Variants in LCMT2 observed in about 807,000 individuals in gnomAD.
LCMT2 encodes tRNA wybutosine-synthesizing protein 4.
In LCMT2, 34 loss-of-function variants were observed where a neutral mutation model predicts 42.0. The observed-to-expected ratio is 0.81, with a 90% CI of 0.62 to 1.08. The LOEUF (loss-of-function observed/expected upper bound fraction) is 1.08. Ranked by LOEUF, LCMT2 falls within the 50% of genes least tolerant of loss-of-function variation. The pLI, the probability that LCMT2 is intolerant of heterozygous loss-of-function variation, is 0.00. For missense variants in LCMT2, 1,091 were observed against 889.4 expected (o/e 1.23, Z -2.88); for synonymous variants, 445 against 369.5 (o/e 1.20, Z -2.34).
At position 43,327,840 on chromosome 15, in the gene LCMT2, A is replaced by G. The variant is rs533135779; in HGVS notation, c.*589T>C. On this transcript the variant is annotated 3_prime_UTR_variant, in exon 1 of 1. Coordinates refer to ENST00000305641, the MANE Select transcript of LCMT2 (RefSeq NM_014793.5). Reference sequence around the variant, plus strand: ...CTAAATAAATATGGAACCAATAGCAAAACATTTAAAAAGTATGTTGGTAAA... The same window carrying G: ...CTAAATAAATATGGAACCAATAGCAGAACATTTAAAAAGTATGTTGGTAAA... 6.5e-5 allele frequency: 10 copies of G among 153,334 alleles called. No individual in the cohort carries two copies. Among genetic ancestry groups the G allele is most frequent in the African/African-American group, 2.4e-4 (10 of 41,580 alleles). The allele number at this position is 153,334 out of a possible 1,614,324, so 9.5% of individuals were successfully genotyped here. A position where few individuals can be genotyped will look rare whatever the true frequency, so the allele number is the denominator to read the frequency against.
At position 43,328,911 on chromosome 15, in the gene LCMT2, C is replaced by T; in HGVS notation, c.1579G>A (p.Glu527Lys). 1.2e-6 allele frequency: 2 copies of T among 1,614,118 alleles called. No individual in the cohort carries two copies. The highest frequency in any genetic ancestry group is 1.7e-6 in the Non-Finnish European group (2 of 1,180,034). Residue 527 changes from glutamate (E) to lysine (K), a missense_variant, in exon 1 of 1, where the codon GAG becomes AAG. Physicochemically the swap from Glu to Lys is moderately conservative, Grantham distance 56. Transcript: ENST00000305641. ...TGCCGGGCTTCAGGTACTTCTCCCTCCACTGGGATCCTGACCCAAGCCATT... is the reference window on the plus strand; with the variant it reads ...TGCCGGGCTTCAGGTACTTCTCCCTTCACTGGGATCCTGACCCAAGCCATT... ...GTMAWVRIPV[E>K]GEVPEARHSH...
In LCMT2 at chr15:43,328,707, T is replaced by TG; in HGVS notation, c.1782dup (p.Asn595GlnfsTer32). 2 of 1,614,156 alleles carry TG rather than the reference T, an allele frequency of 1.2e-6. No homozygotes were observed. Among genetic ancestry groups the TG allele is most frequent in the Non-Finnish European group, 1.7e-6 (2 of 1,180,038 alleles). ...CCTCCAACCAGTAACAGCTTTCCAT[T>TG]GAGCACATGAGCTGTGTGGGAGTAC... On this transcript the variant is annotated frameshift_variant, in exon 1 of 1. Transcript: ENST00000305641. LOFTEE classifies it high-confidence loss of function.
Position 43,324,933 on chromosome 15 carries a change from C to T in LCMT2, c.*3496G>A, listed in dbSNP as rs1474582358. 1 of 152,182 alleles carries T rather than the reference C, an allele frequency of 6.6e-6. No individual in the cohort carries two copies. Among genetic ancestry groups the T allele is most frequent in the Non-Finnish European group, 1.5e-5 (1 of 68,044 alleles). The allele number at this position is 152,182 out of a possible 1,614,324, so 9.4% of individuals were successfully genotyped here. A position where few individuals can be genotyped will look rare whatever the true frequency, so the allele number is the denominator to read the frequency against. ...ATCACTGAAAAAGACCAAGGAAACA[C>T]CTGGGTCCTGGAACATATTGGATAC... is the stretch of plus-strand genomic sequence containing the variant. On this transcript the variant is annotated 3_prime_UTR_variant, in exon 1 of 1. Transcript: ENST00000305641.
In LCMT2 at chr15:43,328,992, C is replaced by A. The variant is rs1566854964; in HGVS notation, c.1498G>T (p.Gly500Cys). 1.2e-6 allele frequency: 2 copies of A among 1,614,208 alleles called. No homozygotes were observed. The highest frequency in any genetic ancestry group is 1.7e-6 in the Non-Finnish European group (2 of 1,180,052). Reference protein sequence around the residue: ...QNQEYLFVYGGRSVVEPVLSD... With the variant: ...QNQEYLFVYGCRSVVEPVLSD... ...AGTACAGGTTCCACCACGCTTCGAC[C>A]CCCATACACAAACAAATATTCCTGA... Residue 500 changes from glycine to cysteine, a missense_variant, in exon 1 of 1, where the codon GGT becomes TGT. By Grantham distance (159) the Gly-to-Cys change is radical. Transcript: ENST00000305641.
In LCMT2 at chr15:43,328,420, G is replaced by C; in HGVS notation, c.*9C>G. 3.7e-6 allele frequency: 6 copies of C among 1,609,298 alleles called. No individual in the cohort carries two copies. The highest frequency in any genetic ancestry group is 5.1e-6 in the Non-Finnish European group (6 of 1,177,530). On this transcript the variant is annotated 3_prime_UTR_variant, in exon 1 of 1. Coordinates refer to ENST00000305641, the MANE Select transcript of LCMT2 (RefSeq NM_014793.5). ...CTACTTTAGTGGGTCCTGAATATTA[G>C]TCCAGTCCTTACTGCCCAGCACTTA...
Position 43,328,154 on chromosome 15 carries a change from A to T in LCMT2, c.*275T>A, listed in dbSNP as rs963691252. 1 of 371,938 alleles carries T rather than the reference A, an allele frequency of 2.7e-6. No homozygotes were observed. The allele number at this position is 371,938 out of a possible 1,614,324, so 23.0% of individuals were successfully genotyped here. ...AAATTGTTTTACTTTACTAAAGACCACTGTAACTCAATAAACGAACTTAGA... is the reference window on the plus strand; with the variant it reads ...AAATTGTTTTACTTTACTAAAGACCTCTGTAACTCAATAAACGAACTTAGA... On this transcript the variant is annotated 3_prime_UTR_variant, in exon 1 of 1. Coordinates refer to ENST00000305641, the MANE Select transcript of LCMT2 (RefSeq NM_014793.5).
Position 43,327,323 on chromosome 15 carries a change from A to C in LCMT2, c.*1106T>G, listed in dbSNP as rs1418445070. 6.6e-6 allele frequency: 1 copy of C among 152,274 alleles called. No homozygotes were observed. Among genetic ancestry groups the C allele is most frequent in the Non-Finnish European group, 1.5e-5 (1 of 68,058 alleles). 9.4% of individuals were successfully genotyped at this position (152,274 alleles called of 1,614,324 possible). On this transcript the variant is annotated 3_prime_UTR_variant, in exon 1 of 1. Coordinates refer to ENST00000305641, the MANE Select transcript of LCMT2 (RefSeq NM_014793.5). ...ACTTAAAATGTGGTCAATGTGACTA[A>C]GCCACTGAATTTATTAATTCGTTTA...
chr15:43,328,759 T>C lies in LCMT2; in HGVS notation c.1731A>G (p.Val577=), dbSNP rs1566854553. 5 of 1,613,764 alleles carry C rather than the reference T, an allele frequency of 3.1e-6. No homozygotes were observed. The highest frequency in any genetic ancestry group is 1.1e-5 in the South Asian group (1 of 91,084). ...PISCGFLWES[V]DIQPPITPRY... is the part of the protein sequence containing the mutation. ...TTGGGGTAATGGGAGGCTGGATGTCTACTGACTCCCAGAGGAATCCACAAG... is the reference window on the plus strand; with the variant it reads ...TTGGGGTAATGGGAGGCTGGATGTCCACTGACTCCCAGAGGAATCCACAAG... Residue 577 remains valine (V), a synonymous_variant, in exon 1 of 1, where the codon GTA becomes GTG. Coordinates refer to ENST00000305641, the MANE Select transcript of LCMT2 (RefSeq NM_014793.5).
In LCMT2 at chr15:43,329,772, A is replaced by C. The variant is rs754014202; in HGVS notation, c.718T>G (p.Ser240Ala). The change falls in exon 1 of 1, where the codon TCC becomes GCC. Residue 240 changes from serine to alanine, a missense_variant. Physicochemically the swap from Ser to Ala is moderately conservative, Grantham distance 99. Coordinates refer to ENST00000305641, the MANE Select transcript of LCMT2 (RefSeq NM_014793.5). ...AAACGCTCCAGGCCATGCAGGGGGG[A>C]GTTTAGCTGCCGAAAATGTTGCAGC... ...FMLQHFRQLN[S>A]PLHGLERFPD... 6.2e-7 allele frequency: 1 copy of C among 1,613,608 alleles called. No individual in the cohort carries two copies. The highest frequency in any genetic ancestry group is 1.1e-5 in the South Asian group (1 of 91,082).
At position 43,330,375 on chromosome 15, in the gene LCMT2, C is replaced by A. The variant is rs1305894539; in HGVS notation, c.115G>T (p.Ala39Ser). ...CGCGCCGCGCCCGGAACCAGCAACG[C>A]GGCAAAGGGGTCCTGCACGTACCCG... ...ARGYVQDPFAALLVPGAARRA... is the reference protein window; with the variant it reads ...ARGYVQDPFASLLVPGAARRA... Residue 39 changes from alanine (A) to serine (S), a missense_variant, in exon 1 of 1, where the codon GCG (alanine) becomes TCG (serine). Physicochemically the swap from Ala to Ser is moderately conservative, Grantham distance 99 (BLOSUM62 1). Transcript: ENST00000305641. The A allele has an allele frequency of 6.2e-7, 1 of 1,604,530 alleles. No individual in the cohort carries two copies. Among genetic ancestry groups the A allele is most frequent in the Admixed American group, 1.7e-5 (1 of 57,884 alleles).
Position 43,328,201 on chromosome 15 carries a change from A to G in LCMT2, c.*228T>C, listed in dbSNP as rs1339344939. On this transcript the variant is annotated 3_prime_UTR_variant, in exon 1 of 1. Coordinates refer to ENST00000305641, the MANE Select transcript of LCMT2 (RefSeq NM_014793.5). ...TAGATTAGAAAATTAGAGGCAGACC[A>G]CTACTCCTCTCGGACTGCATGGCCA... 3.9e-6 allele frequency: 2 copies of G among 518,128 alleles called. No homozygotes were observed. The highest frequency in any genetic ancestry group is 3.6e-5 in the Admixed American group (1 of 27,410). 32.1% of individuals were successfully genotyped at this position (518,128 alleles called of 1,614,324 possible). A position where few individuals can be genotyped will look rare whatever the true frequency, so the allele number is the denominator to read the frequency against.
chr15:43,328,875 C>A lies in LCMT2; in HGVS notation c.1615G>T (p.Ala539Ser), dbSNP rs138481971. The A allele has an allele frequency of 3.1e-6, 5 of 1,613,788 alleles. No homozygotes were observed. The highest frequency in any genetic ancestry group is 4.2e-6 in the Non-Finnish European group (5 of 1,180,020). ...AGGGCTCCCCCTTGCCAAGTGCAGG[C>A]ACTGTGAGAATGCCGGGCTTCAGGT... The part of the protein sequence containing the change: ...EVPEARHSHS[A>S]CTWQGGALIA... The change falls in exon 1 of 1, where the codon GCC (alanine) becomes TCC (serine). Residue 539 changes from alanine (A) to serine (S), a missense_variant. Ala to Ser is a moderately conservative substitution (Grantham distance 99). Transcript: ENST00000305641.
rs1393193668 is a variant in LCMT2 at position 43,329,853 on chromosome 15, C to A, written c.637G>T (p.Ala213Ser). ...ATCTGCTCATAGACCACGAAAAGGG[C>A]ATTAGGAAAACGCTGGGCTGCCCAG... is the stretch of plus-strand genomic sequence containing the variant. ...IAWAAQRFPN[A>S]LFVVYEQMRP... The change falls in exon 1 of 1, where the codon GCC becomes TCC. Residue 213 changes from alanine (A) to serine (S), a missense_variant. By Grantham distance (99) the Ala-to-Ser change is moderately conservative. Coordinates refer to ENST00000305641, the MANE Select transcript of LCMT2 (RefSeq NM_014793.5). 1.2e-6 allele frequency: 2 copies of A among 1,613,838 alleles called. No homozygotes were observed. The highest frequency in any genetic ancestry group is 8.5e-7 in the Non-Finnish European group (1 of 1,180,010).
In LCMT2 at chr15:43,324,809, T is replaced by C. The variant is rs2043109332; in HGVS notation, c.*3620A>G. On this transcript the variant is annotated 3_prime_UTR_variant, in exon 1 of 1. Coordinates refer to ENST00000305641, the MANE Select transcript of LCMT2 (RefSeq NM_014793.5). ...TCATATAGGGCTGTTTTCCAGGAGA[T>C]GACATGTGGGATAAGTCCCAGGGTA... 1 of 152,224 alleles carries C rather than the reference T, an allele frequency of 6.6e-6. No individual in the cohort carries two copies. The highest frequency in any genetic ancestry group is 1.5e-5 in the Non-Finnish European group (1 of 68,084). 9.4% of individuals were successfully genotyped at this position (152,224 alleles called of 1,614,324 possible). A position where few individuals can be genotyped will look rare whatever the true frequency, so the allele number is the denominator to read the frequency against.
rs1312382404 is a variant in LCMT2, at chr15:43,328,835, A to G, written c.1655T>C (p.Leu552Pro). ...GTTCAATGGCTCCTCAGAAGCCCCG[A>G]GACCTCCAGCAATAAGGGCTCCCCC... ...WQGGALIAGGLGASEEPLNSV... is the reference protein window; with the variant it reads ...WQGGALIAGGPGASEEPLNSV... Residue 552 changes from leucine to proline, a missense_variant, in exon 1 of 1, where the codon CTC (leucine) becomes CCC (proline). Coordinates refer to ENST00000305641, the MANE Select transcript of LCMT2 (RefSeq NM_014793.5). The G allele has an allele frequency of 6.2e-7, 1 of 1,613,694 alleles. No individual in the cohort carries two copies. The highest frequency in any genetic ancestry group is 1.1e-5 in the South Asian group (1 of 91,080).
rs1329666518 is a variant in LCMT2, at chr15:43,326,370, A to G, written c.*2059T>C. Reference sequence around the variant, plus strand: ...CCAGCTGTAATAAGCCCTGTTTCCCAGGACTCAGTCATAGCCATAACCAAT... The same window carrying G: ...CCAGCTGTAATAAGCCCTGTTTCCCGGGACTCAGTCATAGCCATAACCAAT... On this transcript the variant is annotated 3_prime_UTR_variant, in exon 1 of 1. Coordinates refer to ENST00000305641, the MANE Select transcript of LCMT2 (RefSeq NM_014793.5). The G allele has an allele frequency of 6.6e-6, 1 of 152,092 alleles. No individual in the cohort carries two copies. Among genetic ancestry groups the G allele is most frequent in the Non-Finnish European group, 1.5e-5 (1 of 68,034 alleles). 9.4% of individuals were successfully genotyped at this position (152,092 alleles called of 1,614,324 possible).
At position 43,328,304 on chromosome 15, in the gene LCMT2, G is replaced by C. The variant is rs747542020; in HGVS notation, c.*125C>G. 4 of 1,070,964 alleles carry C rather than the reference G, an allele frequency of 3.7e-6. No homozygotes were observed. The highest frequency in any genetic ancestry group is 4.1e-6 in the Non-Finnish European group (3 of 739,136). 66.3% of individuals were successfully genotyped at this position (1,070,964 alleles called of 1,614,324 possible). On this transcript the variant is annotated 3_prime_UTR_variant, in exon 1 of 1. Coordinates refer to ENST00000305641, the MANE Select transcript of LCMT2 (RefSeq NM_014793.5). ...ACCAACCTTTTTCACTTTTTGCACT[G>C]AATAGTGCTAAGGGAAAAAAAGGAT... is the stretch of plus-strand genomic sequence containing the variant.
rs760836785 is a variant in LCMT2, at chr15:43,329,356, C to T, written c.1134G>A (p.Glu378=). 6.2e-7 allele frequency: 1 copy of T among 1,614,146 alleles called. No homozygotes were observed. The highest frequency in any genetic ancestry group is 8.5e-7 in the Non-Finnish European group (1 of 1,180,040). Residue 378 remains glutamate (E), a synonymous_variant, in exon 1 of 1, where the codon GAG becomes GAA. Transcript: ENST00000305641. ...TCACTCGGCAGTGCCGCCCCTCCTG[C>T]TCTCCAAATCCTCCTGCACTGAGAA... ...DVILSAGGFG[E]QEGRHCRVSQ... is the part of the protein sequence containing the mutation.
rs377419640 is a variant in LCMT2, at chr15:43,330,234, A to G, written c.256T>C (p.Leu86=). The change falls in exon 1 of 1, where the codon TTG becomes CTG. Residue 86 remains leucine, a synonymous_variant. Coordinates refer to ENST00000305641, the MANE Select transcript of LCMT2 (RefSeq NM_014793.5). ...APQAALRAQI[L]SLGAGFDSLY... ...GAGTCGAAGCCAGCGCCGAGAGACAAGATCTGCGCGCGAAGCGCGGCCTGG... is the reference window on the plus strand; with the variant it reads ...GAGTCGAAGCCAGCGCCGAGAGACAGGATCTGCGCGCGAAGCGCGGCCTGG... The G allele has an allele frequency of 1.2e-6, 2 of 1,607,554 alleles. No homozygotes were observed. Among genetic ancestry groups the G allele is most frequent in the Non-Finnish European group, 1.7e-6 (2 of 1,179,000 alleles).
Sources: allele counts gnomAD v4.1 joint callset, GRCh38; gene constraint gnomAD v4.1.1; transcripts MANE v1.5; gene names NCBI Gene and HGNC (gene_info 2026-07-23, HGNC 2026-07-21).